The following ASTN1 variants were observed in gnomAD, a reference collection of about 807,000 sequenced individuals.
The protein encoded by ASTN1 is astrotactin-1.
In ASTN1, 41 loss-of-function variants were observed where a neutral mutation model predicts 140.7. That is an observed-to-expected ratio of 0.29 (90% CI 0.23 to 0.38). ASTN1 has a LOEUF of 0.38. Among genes scored for constraint, ASTN1 ranks in the 10% least tolerant of loss-of-function variants. The pLI, the probability that ASTN1 is intolerant of heterozygous loss-of-function variation, is 1.00. For missense variants in ASTN1, 1,479 were observed against 1,678.8 expected, an observed-to-expected ratio of 0.88 and a Z score of 2.08; for synonymous variants, 640 against 652.2, an observed-to-expected ratio of 0.98 and a Z score of 0.29.
intron 16 of ASTN1, among the ~76,000 whole-genome samples, chr1:176,918,665 G>T (rs1282900798): frequency 6.6e-6 from 1 of 151,854 alleles, no homozygotes; most frequent in Non-Finnish European, 1.5e-5. Context: ...CCTTTCCATT[G>T]CCCAGATTAC....
intron 1 of ASTN1, among the ~76,000 whole-genome samples, chr1:177,118,302 AT>A (rs112738295): frequency 0.016 from 2,416 of 152,272 alleles, 23 homozygotes; most frequent in South Asian, 0.025. Context: ...ACTTGAGACA[AT>A]TTTCTTCTTT....
In ASTN1 at chr1:177,124,189, G is replaced by A. The variant is rs548285329; in HGVS notation, c.283+40205C>T. ...GGATGAGTACATCAGCTTCAAGCAGGTAGCCAGCATTTGAAATCCCAGTTA... is the reference window on the plus strand; with the variant it reads ...GGATGAGTACATCAGCTTCAAGCAGATAGCCAGCATTTGAAATCCCAGTTA... On this transcript the variant is annotated intron_variant, in intron 1 of 22. Transcript: ENST00000361833. Among the ~76,000 whole-genome samples, 3 of 152,170 alleles carry A rather than the reference G, an allele frequency of 2.0e-5. No individual in the cohort carries two copies. In the East Asian group the frequency reaches 5.8e-4, roughly 30 times the overall value.
At chr1:177,121,074 C>T (rs1200484891) in intron 1 of ASTN1, among the ~76,000 whole-genome samples, 1 of 141,694 alleles carries the variant, frequency 7.1e-6, no homozygotes, top group Non-Finnish European at 1.5e-5. Flanking sequence ...GCTATTGCTG[C>T]TGGTGATACA....
intron 1 of ASTN1, among the ~76,000 whole-genome samples, chr1:177,106,883 G>T (rs1680569969): frequency 6.6e-6 from 1 of 152,156 alleles, no homozygotes; most frequent in Non-Finnish European, 1.5e-5. Context: ...AGAGCAGCAG[G>T]AAATCATATA....
intron 1 of ASTN1, among the ~76,000 whole-genome samples, chr1:177,094,629 C>A (rs1202359477): frequency 6.6e-6 from 1 of 152,080 alleles, no homozygotes; most frequent in Non-Finnish European, 1.5e-5. Flanking sequence ...TATAAGCCAC[C>A]CATTGTATGG....
At chr1:177,042,811 T>A (rs1296476560) in intron 2 of ASTN1, among the ~76,000 whole-genome samples, 1 of 152,224 alleles carries the variant, frequency 6.6e-6, no homozygotes, top group African/African-American at 2.4e-5. Flanking sequence ...ACCACTGTGG[T>A]CTGGGCTCTA....
chr1:176,900,482 C>A (rs1669720450), intron 16 of ASTN1, among the ~76,000 whole-genome samples: 1 of 152,134 alleles, frequency 6.6e-6, no homozygotes, highest in Non-Finnish European at 1.5e-5. Flanking sequence ...CTCCCCACCC[C>A]ATCAACTAAT....
downstream of ASTN1, among the ~76,000 whole-genome samples, chr1:176,860,360 T>C (rs1667926769): frequency 6.6e-6 from 1 of 152,252 alleles, no homozygotes; most frequent in South Asian, 2.1e-4. Context: ...GGGACTTGGA[T>C]TCTGATCATT....
chr1:176,887,984 C>T, intron 18 of ASTN1, 87 bp downstream of exon 18: 1 of 1,564,464 alleles, frequency 6.4e-7, no homozygotes, highest in Non-Finnish European at 8.7e-7. Flanking sequence ...TTCTTTGTTT[C>T]CCAGTACCCA....
rs766284119 is a variant in ASTN1 at position 176,945,948 on chromosome 1, G to T, written c.2227C>A (p.Gln743Lys). The T allele has an allele frequency of 3.7e-5, 60 of 1,612,450 alleles. No homozygotes were observed. The highest frequency in any genetic ancestry group is 5.1e-5 in the Non-Finnish European group (60 of 1,178,956). Residue 743 changes from glutamine to lysine, a missense_variant, in exon 13 of 23, where the codon CAG (glutamine) becomes AAG (lysine). Physicochemically the swap from Gln to Lys is moderately conservative, Grantham distance 53. Transcript: ENST00000361833. ...NNHSKEVAAG[Q>K]VLKGTFRQNN... ...TACCTGAATGTTCCTTTCAGCACCT[G>T]TCCGGCAGCCACTTCCTTGGAATGG...
chr1:177,114,220 C>T (rs1202766105), intron 1 of ASTN1, among the ~76,000 whole-genome samples: 2 of 152,050 alleles, frequency 1.3e-5, no homozygotes, highest in Non-Finnish European at 2.9e-5. Flanking sequence ...CCTTATGCAT[C>T]AAAGGAGGAT....
At chr1:176,890,189 CACCACACCTG>C (rs1365994943) in intron 17 of ASTN1, among the ~76,000 whole-genome samples, 1 of 152,176 alleles carries the variant, frequency 6.6e-6, no homozygotes, top group African/African-American at 2.4e-5. Flanking sequence ...ATAACCAAAT[CACCACACCTG>C]TGGTTAGAAC....
chr1:177,113,196 G>T (rs941327752), intron 1 of ASTN1, among the ~76,000 whole-genome samples: 12 of 152,146 alleles, frequency 7.9e-5, no homozygotes, highest in Admixed American at 2.6e-4. Context: ...TTCACCACAG[G>T]AAACAATAAC....
chr1:177,116,786 C>T (rs1405197016), intron 1 of ASTN1, among the ~76,000 whole-genome samples: 3 of 152,102 alleles, frequency 2.0e-5, no homozygotes, highest in Admixed American at 2.0e-4. Flanking sequence ...CTCATTTGAC[C>T]CTTGCTCTCC....
chr1:177,029,819 G>A lies in ASTN1; in HGVS notation c.1013-78C>T, dbSNP rs989688807. On this transcript the variant is annotated intron_variant, in intron 4 of 22. Coordinates refer to ENST00000361833, the MANE Select transcript of ASTN1 (RefSeq NM_004319.3). ...CACCAAACCTTTGGGCAAGTTCAAT[G>A]GGAAAATCAACAAAAATGAAAGTAA... 6.7e-6 allele frequency: 9 copies of A among 1,351,544 alleles called. No homozygotes were observed. In the East Asian group the frequency reaches 2.3e-4, roughly 34 times the overall value. The allele number at this position is 1,351,544 out of a possible 1,614,324, so 83.7% of individuals were successfully genotyped here.
intron 1 of ASTN1, among the ~76,000 whole-genome samples, chr1:177,087,580 C>T (rs1048275947): frequency 6.6e-6 from 1 of 152,186 alleles, no homozygotes; most frequent in Admixed American, 6.5e-5. Context: ...CACCCTCAGG[C>T]TGCCTAGGTT....
At chr1:176,985,847 C>T (rs1239581697) in intron 8 of ASTN1, among the ~76,000 whole-genome samples, 313 of 47,976 alleles carry the variant, frequency 6.5e-3, no homozygotes, top group Non-Finnish European at 7.8e-3. Flanking sequence ...TCTCTCTCTA[C>T]ACACACACAC....
At chr1:177,013,787 G>A (rs753483477) in intron 8 of ASTN1, among the ~76,000 whole-genome samples, 7 of 152,174 alleles carry the variant, frequency 4.6e-5, no homozygotes, top group East Asian at 1.9e-4. Flanking sequence ...TTATTAGTTC[G>A]CATTTATTGA....
At chr1:177,162,741 T>C (rs1647458288) in intron 1 of ASTN1, among the ~76,000 whole-genome samples, 1 of 152,208 alleles carries the variant, frequency 6.6e-6, no homozygotes, top group African/African-American at 2.4e-5. Context: ...CACTTTTATA[T>C]ACTATGATGA....
Sources: allele counts gnomAD v4.1 joint callset (sites outside exome capture counted in the v4.1 genomes callset), GRCh38; gene constraint gnomAD v4.1.1; transcripts MANE v1.5; gene names NCBI Gene and HGNC (gene_info 2026-07-23, HGNC 2026-07-21).